The following DLG2 variants were observed in gnomAD, a reference collection of about 807,000 sequenced individuals.
DLG2 encodes disks large homolog 2.
Under a neutral mutation model 132.5 loss-of-function variants are expected in DLG2, and 45 were observed. The observed-to-expected ratio is 0.34, with a 90% confidence interval of 0.27 to 0.44. The LOEUF (loss-of-function observed/expected upper bound fraction) is 0.44, where lower values mean the gene tolerates loss of function less well. DLG2 is among the 20% of genes least tolerant of loss of function. The pLI, the probability that DLG2 is intolerant of heterozygous loss-of-function variation, is 1.00. For missense variants in DLG2, 1,045 were observed against 1,196.9 expected, an observed-to-expected ratio of 0.87 and a Z score of 1.87; for synonymous variants, 424 against 419.6, an observed-to-expected ratio of 1.01 and a Z score of -0.13.
intron 5 of DLG2, chr11:85,132,897 C>G: frequency 2.2e-6 from 1 of 455,840 alleles, no homozygotes; most frequent in Non-Finnish European, 4.4e-6. Flanking sequence ...AGAAGCAGAG[C>G]TTGGATTCTG....
intron 6 of DLG2, among the ~76,000 whole-genome samples, chr11:84,626,451 C>T (rs1332313323): frequency 1.3e-5 from 2 of 152,212 alleles, no homozygotes; most frequent in Non-Finnish European, 2.9e-5. Context: ...AGCAAATGTG[C>T]ACATTGGGAA....
At chr11:84,298,277 T>C (rs1161498486) in intron 7 of DLG2, among the ~76,000 whole-genome samples, 1 of 152,226 alleles carries the variant, frequency 6.6e-6, no homozygotes, top group Non-Finnish European at 1.5e-5. Context: ...ATATGTTTCA[T>C]GCAAATCAAT....
intron 3 of DLG2, among the ~76,000 whole-genome samples, chr11:85,295,268 T>G (rs371127965): frequency 3.9e-5 from 6 of 152,226 alleles, no homozygotes; most frequent in African/African-American, 1.4e-4. Flanking sequence ...ATGAGCCCAG[T>G]TTTAAGTTAC....
chr11:85,102,349 T>C (rs539956645), intron 6 of DLG2, among the ~76,000 whole-genome samples: 135 of 152,116 alleles, frequency 8.9e-4, no homozygotes, highest in Non-Finnish European at 1.5e-3. Context: ...AAATATAAAG[T>C]CTGTGAAAGT....
intron 3 of DLG2, among the ~76,000 whole-genome samples, chr11:85,382,039 A>G (rs938919433): frequency 2.6e-5 from 4 of 152,176 alleles, no homozygotes; most frequent in Non-Finnish European, 5.9e-5. Context: ...CCTAAAATTC[A>G]TACGGAAATG....
intron 6 of DLG2, among the ~76,000 whole-genome samples, chr11:84,803,450 T>C (rs2075651603): frequency 6.6e-6 from 1 of 152,178 alleles, no homozygotes; most frequent in African/African-American, 2.4e-5. Flanking sequence ...ATATGTTTAC[T>C]TGGACTTTGA....
At chr11:84,059,232 A>T (rs2096553087) in intron 11 of DLG2, 83 bp downstream of exon 11, 5 of 1,349,194 alleles carry the variant, frequency 3.7e-6, no homozygotes. Flanking sequence ...GAGGTTAAAG[A>T]GTTCATCATA....
chr11:84,135,994 G>A (rs1400864499), intron 9 of DLG2, among the ~76,000 whole-genome samples: 6 of 152,094 alleles, frequency 3.9e-5, no homozygotes, highest in Admixed American at 3.9e-4. Context: ...AATTTGAGAG[G>A]TGGAATTTAT....
intron 3 of DLG2, among the ~76,000 whole-genome samples, chr11:85,472,968 G>A (rs914094699): frequency 1.3e-5 from 2 of 152,226 alleles, no homozygotes; most frequent in Non-Finnish European, 2.9e-5. Context: ...GGCCAGAGCT[G>A]TGACATGCTG....
At chr11:84,394,255 C>G (rs903760555) in intron 7 of DLG2, among the ~76,000 whole-genome samples, 34 of 151,584 alleles carry the variant, frequency 2.2e-4, no homozygotes, top group Non-Finnish European at 4.4e-4. Context: ...ATACATGGCA[C>G]TCTAGGATCA....
intron 6 of DLG2, among the ~76,000 whole-genome samples, chr11:84,703,888 G>GTATATATATATATATATATATATA: frequency 1.9e-5 from 1 of 51,522 alleles, no homozygotes; most frequent in Non-Finnish European, 3.2e-5. Context: ...ATATATACAC[G>GTATATATATATATATATATATATA]TGTGTGTGTG....
chr11:83,841,043 A>G (rs1307366018), intron 16 of DLG2, among the ~76,000 whole-genome samples: 2 of 152,164 alleles, frequency 1.3e-5, no homozygotes, highest in Non-Finnish European at 2.9e-5. Flanking sequence ...TTTTGCATGC[A>G]TACTGCTGAG....
intron 6 of DLG2, among the ~76,000 whole-genome samples, chr11:84,892,688 G>A (rs1028024289): frequency 1.3e-5 from 2 of 151,860 alleles, no homozygotes; most frequent in Non-Finnish European, 2.9e-5. Context: ...GGTGCTGTTG[G>A]CCCTTTAAAA....
rs553887223 is a variant in DLG2 at position 85,598,712 on chromosome 11, A to G, written c.-16T>C. Reference sequence around the variant, plus strand: ...AGATACCCATCACCTTTTTAACCGCATTTTTCAACAGCTGCTCCTCTGGTT... The same window carrying G: ...AGATACCCATCACCTTTTTAACCGCGTTTTTCAACAGCTGCTCCTCTGGTT... On this transcript the variant is annotated 5_prime_UTR_variant, in exon 3 of 28. An upstream start codon of the reference 5' UTR is lost. Transcript: ENST00000376104. The G allele has an allele frequency of 1.8e-5, 29 of 1,577,454 alleles. 1 individual carries two copies. Among genetic ancestry groups the G allele is most frequent in the Non-Finnish European group, 1.6e-5 (19 of 1,164,368 alleles).
At chr11:84,979,052 T>C (rs2055343724) in intron 6 of DLG2, among the ~76,000 whole-genome samples, 1 of 151,984 alleles carries the variant, frequency 6.6e-6, no homozygotes, top group Admixed American at 6.5e-5. Flanking sequence ...AACAGACACA[T>C]GAAAAAATGC....
At chr11:84,481,079 C>T (rs776399413) in intron 7 of DLG2, among the ~76,000 whole-genome samples, 9 of 152,024 alleles carry the variant, frequency 5.9e-5, no homozygotes, top group Non-Finnish European at 1.2e-4. Context: ...ATAACTCCCT[C>T]TAGAATTGAG....
At chr11:83,884,396 G>A (rs1178941498) in intron 15 of DLG2, among the ~76,000 whole-genome samples, 1 of 152,198 alleles carries the variant, frequency 6.6e-6, no homozygotes, top group African/African-American at 2.4e-5. Context: ...AGGGGGAGGG[G>A]CGCCCGCCAT....
chr11:83,635,374 C>T (rs1314373335), intron 18 of DLG2, among the ~76,000 whole-genome samples: 1 of 152,196 alleles, frequency 6.6e-6, no homozygotes, highest in Non-Finnish European at 1.5e-5. Flanking sequence ...ACAATATGCT[C>T]AATGCTTCAT....
chr11:84,417,208 G>C (rs2098932777), intron 7 of DLG2, among the ~76,000 whole-genome samples: 1 of 152,178 alleles, frequency 6.6e-6, no homozygotes, highest in African/African-American at 2.4e-5. Flanking sequence ...CTTTCTGATT[G>C]TGAACACTTT....
Sources: allele counts gnomAD v4.1 joint callset (sites outside exome capture counted in the v4.1 genomes callset), GRCh38; gene constraint gnomAD v4.1.1; transcripts MANE v1.5; gene names NCBI Gene and HGNC (gene_info 2026-07-23, HGNC 2026-07-21).